Variants in MYH15 observed in about 807,000 individuals in gnomAD.
MYH15 encodes the protein myosin-15.
In MYH15, 227 loss-of-function variants were observed where a neutral mutation model predicts 240.5. The observed-to-expected ratio is 0.94, with a 90% CI of 0.85 to 1.05. MYH15 has a LOEUF of 1.05. MYH15 is among the 50% of genes least tolerant of loss of function. MYH15 has a pLI of 0.00. For synonymous variants in MYH15, 785 were observed against 796.7 expected, an observed-to-expected ratio of 0.99 and a Z score of 0.25; for missense variants, 2,217 against 2,247.5, an observed-to-expected ratio of 0.99 and a Z score of 0.27.
chr3:108,492,209 C>CAT (rs2083353939), intron 9 of MYH15, among the ~76,000 whole-genome samples: 1 of 137,500 alleles, frequency 7.3e-6, no homozygotes, highest in Admixed American at 7.3e-5. Flanking sequence ...TATACACACA[C>CAT]ACACACACAC....
intron 37 of MYH15, among the ~76,000 whole-genome samples, chr3:108,389,818 AT>A (rs748276829): frequency 1.3e-5 from 2 of 152,116 alleles, no homozygotes; most frequent in Non-Finnish European, 2.9e-5. Flanking sequence ...TCTTACCCAG[AT>A]ATCCTCTTTT....
Position 108,476,506 on chromosome 3 carries a change from T to G in MYH15, c.1124A>C (p.Lys375Thr), listed in dbSNP as rs867439451. 6.2e-7 allele frequency: 1 copy of G among 1,605,440 alleles called. No individual in the cohort carries two copies. Among genetic ancestry groups the G allele is most frequent in the Admixed American group, 1.7e-5 (1 of 59,928 alleles). Residue 375 changes from lysine to threonine, a missense_variant, in exon 12 of 41, where the codon AAA becomes ACA. Transcript: ENST00000693548. ...GTTAATGCCCATGAGGAAAGCAGCT[T>G]TGTCAGCATCTGGTCATCAGAAATA... is the stretch of plus-strand genomic sequence containing the variant. Reference protein sequence around the residue: ...LEADGTENADKAAFLMGINSS... With the variant: ...LEADGTENADTAAFLMGINSS...
chr3:108,396,790 C>T (rs779375145), intron 35 of MYH15, among the ~76,000 whole-genome samples: 4 of 152,198 alleles, frequency 2.6e-5, no homozygotes, highest in Non-Finnish European at 5.9e-5. Flanking sequence ...TTGTGTCATA[C>T]ACATGGACAC....
chr3:108,510,961 A>G (rs111657339), upstream of MYH15, among the ~76,000 whole-genome samples: 693 of 152,236 alleles, frequency 4.6e-3, 3 homozygotes, highest in African/African-American at 0.015. Context: ...ATGAAATCTG[A>G]TTTTTAATAT....
In MYH15 at chr3:108,495,771, G is replaced by C; in HGVS notation, c.711+9C>G. On this transcript the variant is annotated intron_variant, in intron 7 of 40. Coordinates refer to ENST00000693548, the MANE Select transcript of MYH15 (RefSeq NM_014981.3). Reference sequence around the variant, plus strand: ...ATACTTTGATATTATGCTAAATCATGTTACTTACAAAACGAGAGGAGTTGT... The same window carrying C: ...ATACTTTGATATTATGCTAAATCATCTTACTTACAAAACGAGAGGAGTTGT... 1 of 1,597,786 alleles carries C rather than the reference G, an allele frequency of 6.3e-7. No individual in the cohort carries two copies.
chr3:108,470,904 G>C, intron 12 of MYH15, 57 bp from the exon 13 acceptor site: 1 of 1,557,512 alleles, frequency 6.4e-7, no homozygotes, highest in Non-Finnish European at 8.8e-7. Flanking sequence ...TTTTAATCCC[G>C]GGCATTCTCT....
intron 5 of MYH15, among the ~76,000 whole-genome samples, chr3:108,498,947 A>G (rs1463520603): frequency 2.0e-5 from 3 of 152,234 alleles, no homozygotes; most frequent in African/African-American, 7.2e-5. Flanking sequence ...TTCACATACA[A>G]TAAGATATCA....
rs2083220784 is a variant in MYH15 at position 108,476,403 on chromosome 3, T to C, written c.1227A>G (p.Ile409Met). Residue 409 changes from isoleucine to methionine, a missense_variant, in exon 12 of 41, where the codon ATA (isoleucine) becomes ATG (methionine). By Grantham distance (10) the Ile-to-Met change is conservative (BLOSUM62 1). Transcript: ENST00000693548. ...GNEYVTRGQT[I>M]EQVTCAVGAL... ...TCTTGAAATATCACCTTACCTGTTCTATAGTTTGACCTCTGGTAACATATT... is the reference window on the plus strand; with the variant it reads ...TCTTGAAATATCACCTTACCTGTTCCATAGTTTGACCTCTGGTAACATATT... The C allele has an allele frequency of 1.3e-6, 2 of 1,568,532 alleles. No homozygotes were observed. The highest frequency in any genetic ancestry group is 1.7e-5 in the Admixed American group (1 of 59,856).
chr3:108,464,612 AGACCG>A (rs749599509), intron 15 of MYH15, 21 bp downstream of exon 15: 49 of 1,568,824 alleles, frequency 3.1e-5, no homozygotes, highest in Non-Finnish European at 4.0e-5. Flanking sequence ...GGAAAATTCA[AGACCG>A]GGGGTCCAGA....
intron 25 of MYH15, among the ~76,000 whole-genome samples, chr3:108,434,698 T>G (rs2107564259): frequency 6.6e-6 from 1 of 152,336 alleles, no homozygotes; most frequent in South Asian, 2.1e-4. Context: ...TTCCTTAATA[T>G]TTTGCTTTTA....
At chr3:108,494,649 A>G (rs1454748205) in intron 7 of MYH15, among the ~76,000 whole-genome samples, 1 of 151,760 alleles carries the variant, frequency 6.6e-6, no homozygotes, top group African/African-American at 2.4e-5. Flanking sequence ...GCGCACCACC[A>G]CTCCAGGCTA....
rs775868900 is a variant in MYH15, at chr3:108,414,436, G to A, written c.3949-8C>T. The A allele has an allele frequency of 2.5e-5, 40 of 1,606,512 alleles. No individual in the cohort carries two copies. In the South Asian group the frequency reaches 4.3e-4, roughly 17 times the overall value. On this transcript the variant is annotated splice_region_variant and splice_polypyrimidine_tract_variant and intron_variant, in intron 29 of 40. Transcript: ENST00000693548. ...GGCCAGGGCACTCTGGGACTGTAGG[G>A]GACACACATTAACAAAAAGGTCATG...
At chr3:108,448,757 T>C (rs2082949299) in intron 21 of MYH15, among the ~76,000 whole-genome samples, 1 of 129,980 alleles carries the variant, frequency 7.7e-6, no homozygotes, top group Admixed American at 9.4e-5. Context: ...CTCTCAATAG[T>C]TTTTTTCAAT....
chr3:108,510,363 C>G (rs1228681481), intron 1 of MYH15, 80 bp downstream of exon 1: 14 of 1,524,276 alleles, frequency 9.2e-6, no homozygotes, highest in Non-Finnish European at 1.2e-5. Context: ...ACTGATGGCT[C>G]TTCTCTGTCA....
At chr3:108,400,299 C>G (rs934549520) in intron 33 of MYH15, among the ~76,000 whole-genome samples, 1 of 152,120 alleles carries the variant, frequency 6.6e-6, no homozygotes, top group African/African-American at 2.4e-5. Context: ...TTTAAGTCAC[C>G]AAGATTTGGT....
At chr3:108,437,518 C>A (rs370517933) in intron 25 of MYH15, 36 bp downstream of exon 25, 4 of 1,597,172 alleles carry the variant, frequency 2.5e-6, no homozygotes, top group Non-Finnish European at 3.4e-6. Context: ...AATATAAGGT[C>A]TCCAGCAATC....
chr3:108,405,417 A>G lies in MYH15; in HGVS notation c.4657T>C (p.Phe1553Leu). 6.5e-7 allele frequency: 1 copy of G among 1,530,730 alleles called. No homozygotes were observed. The highest frequency in any genetic ancestry group is 8.9e-7 in the Non-Finnish European group (1 of 1,124,088). The allele number at this position is 1,530,730 out of a possible 1,614,324, so 94.8% of individuals were successfully genotyped here. The change falls in exon 33 of 41, where the codon TTC (phenylalanine) becomes CTC (leucine). Residue 1553 changes from phenylalanine to leucine, a missense_variant. Transcript: ENST00000693548. The part of the protein sequence containing the change: ...LERNESKILH[F>L]QLELLEAKAE... ...TTAGCTTCCAAGAGTTCAAGCTGGA[A>G]ATGAAGAATCTTGCTTTCATTACGT...
chr3:108,455,184 A>G (rs2083008322), intron 20 of MYH15, among the ~76,000 whole-genome samples: 1 of 152,196 alleles, frequency 6.6e-6, no homozygotes, highest in South Asian at 2.1e-4. Context: ...CACCAAATCT[A>G]TTGATAAGTT....
rs148999570 is a variant in MYH15, at chr3:108,472,380, G to A, written c.1234-1533C>T. ...CATCCATCCTTCTGCCCAGGAGAGA[G>A]CACACAGCAGGAGCCAGTTGGTGTC... On this transcript the variant is annotated intron_variant, in intron 12 of 40. Coordinates refer to ENST00000693548, the MANE Select transcript of MYH15 (RefSeq NM_014981.3). 3.2e-3 allele frequency among the ~76,000 whole-genome samples: 482 copies of A among 152,296 alleles called. 9 individuals carry two copies. Among genetic ancestry groups the A allele is most frequent in the South Asian group, 0.028 (136 of 4,818 alleles).
Sources: gnomAD v4.1 joint callset for allele counts (sites outside exome capture counted in the v4.1 genomes callset) on GRCh38, gnomAD v4.1.1 for gene constraint, MANE v1.5 for transcripts, NCBI Gene and HGNC (gene_info 2026-07-23, HGNC 2026-07-21) for gene names.